Variants in CLSTN2 observed in about 807,000 individuals in gnomAD.
The protein encoded by CLSTN2 is calsyntenin-2.
In CLSTN2, 48 loss-of-function variants were observed where a neutral mutation model predicts 101.2. The ratio of observed to expected loss-of-function variants is 0.47; its 90% CI spans 0.38 to 0.60. The LOEUF (loss-of-function observed/expected upper bound fraction) is 0.60. Ranked by LOEUF, CLSTN2 falls within the 20% of genes least tolerant of loss-of-function variation. The pLI, the probability that CLSTN2 is intolerant of heterozygous loss-of-function variation, is 0.00. For missense variants in CLSTN2, 1,160 were observed against 1,238.2 expected (o/e 0.94, Z 0.95); for synonymous variants, 481 against 463.6 (o/e 1.04, Z -0.48).
intron 9 of CLSTN2, among the ~76,000 whole-genome samples, chr3:140,534,511 C>CCCAACTCTCAGTTCCTAAAATAATT (rs1935322648): frequency 6.6e-6 from 1 of 152,124 alleles, no homozygotes; most frequent in Non-Finnish European, 1.5e-5. Context: ...GACAACAAGC[C>CCCAACTCTCAGTTCCTAAAATAATT]CCAACTCTCA....
At chr3:140,027,923 G>T (rs1424117575) in intron 1 of CLSTN2, among the ~76,000 whole-genome samples, 1 of 152,178 alleles carries the variant, frequency 6.6e-6, no homozygotes, top group Non-Finnish European at 1.5e-5. Flanking sequence ...GACTCGCTTG[G>T]TAACATTGGG....
chr3:140,113,175 G>A (rs1222806658), intron 1 of CLSTN2, among the ~76,000 whole-genome samples: 1 of 152,186 alleles, frequency 6.6e-6, no homozygotes, highest in Admixed American at 6.5e-5. Context: ...ACAAATTGCA[G>A]TTTCTTTCTC....
At chr3:139,999,597 G>C (rs191760674) in intron 1 of CLSTN2, among the ~76,000 whole-genome samples, 2 of 152,220 alleles carry the variant, frequency 1.3e-5, no homozygotes, top group Non-Finnish European at 2.9e-5. Context: ...GGGATCTCAG[G>C]TTTTCCTGAT....
chr3:140,074,647 C>T (rs774222344), intron 1 of CLSTN2, among the ~76,000 whole-genome samples: 1 of 152,182 alleles, frequency 6.6e-6, no homozygotes, highest in Non-Finnish European at 1.5e-5. Context: ...TCATTACTCT[C>T]GTTTTACAGA....
chr3:140,489,079 G>T (rs528646361), intron 8 of CLSTN2, among the ~76,000 whole-genome samples: 1 of 152,282 alleles, frequency 6.6e-6, no homozygotes, highest in South Asian at 2.1e-4. Context: ...AGTGTCTAGG[G>T]ATACAGATTT....
intron 2 of CLSTN2, among the ~76,000 whole-genome samples, chr3:140,258,557 G>A (rs1386499198): frequency 6.6e-6 from 1 of 152,202 alleles, no homozygotes; most frequent in African/African-American, 2.4e-5. Context: ...TAGGAAGTGT[G>A]TCATTTCCCA....
At chr3:140,553,278 A>G (rs1443091953) in intron 10 of CLSTN2, among the ~76,000 whole-genome samples, 3 of 152,278 alleles carry the variant, frequency 2.0e-5, no homozygotes, top group African/African-American at 4.8e-5. Flanking sequence ...AGTAAGAATG[A>G]TCATCCAAGC....
At chr3:140,137,680 T>A (rs1391210090) in intron 1 of CLSTN2, among the ~76,000 whole-genome samples, 2 of 152,186 alleles carry the variant, frequency 1.3e-5, no homozygotes, top group African/African-American at 4.8e-5. Context: ...TTCTTATGAC[T>A]ATGCTAATAT....
chr3:140,270,746 G>A (rs547353756), intron 2 of CLSTN2, among the ~76,000 whole-genome samples: 11 of 152,140 alleles, frequency 7.2e-5, no homozygotes, highest in Non-Finnish European at 1.3e-4. Flanking sequence ...CATTTCTGGC[G>A]AATTTCCTCA....
At chr3:140,293,523 G>A (rs973046280) in intron 2 of CLSTN2, among the ~76,000 whole-genome samples, 1 of 152,162 alleles carries the variant, frequency 6.6e-6, no homozygotes, top group Non-Finnish European at 1.5e-5. Context: ...GAGCTGAGAG[G>A]AATGTCCCAT....
intron 4 of CLSTN2, among the ~76,000 whole-genome samples, chr3:140,416,319 C>T (rs2088431073): frequency 6.6e-6 from 1 of 151,994 alleles, no homozygotes; most frequent in African/African-American, 2.4e-5. Flanking sequence ...AATAGTAATG[C>T]ATTATATACT....
chr3:140,171,622 T>C (rs1303701699), intron 1 of CLSTN2, among the ~76,000 whole-genome samples: 1 of 133,504 alleles, frequency 7.5e-6, no homozygotes, highest in Non-Finnish European at 1.5e-5. Context: ...ATATATTATA[T>C]AATATGTATT....
chr3:139,954,574 T>C (rs1935354695), intron 1 of CLSTN2, among the ~76,000 whole-genome samples: 1 of 152,098 alleles, frequency 6.6e-6, no homozygotes, highest in Non-Finnish European at 1.5e-5. Flanking sequence ...TTGAATTAAG[T>C]TGAGTGCCTG....
At chr3:140,455,707 C>T (rs1204118994) in intron 6 of CLSTN2, among the ~76,000 whole-genome samples, 2 of 152,172 alleles carry the variant, frequency 1.3e-5, no homozygotes, top group Non-Finnish European at 2.9e-5. Context: ...ATCATCACTG[C>T]AAGTGATGCA....
chr3:140,422,260 T>A (rs1012411322), intron 5 of CLSTN2, among the ~76,000 whole-genome samples: 11 of 152,100 alleles, frequency 7.2e-5, no homozygotes, highest in African/African-American at 2.2e-4. Flanking sequence ...AGAGTTGGTG[T>A]TAATCACTCA....
At chr3:140,069,174 A>G (rs996277286) in intron 1 of CLSTN2, among the ~76,000 whole-genome samples, 3 of 152,200 alleles carry the variant, frequency 2.0e-5, no homozygotes, top group Non-Finnish European at 4.4e-5. Flanking sequence ...TCCTATCCTC[A>G]TTCTCAGTAC....
intron 1 of CLSTN2, among the ~76,000 whole-genome samples, chr3:139,982,916 A>G (rs944663476): frequency 2.0e-5 from 3 of 151,422 alleles, no homozygotes; most frequent in Non-Finnish European, 4.4e-5. Flanking sequence ...AGGGTATTAC[A>G]TAGACTATAC....
At chr3:140,510,386 C>A (rs892271743) in intron 8 of CLSTN2, among the ~76,000 whole-genome samples, 2 of 152,174 alleles carry the variant, frequency 1.3e-5, no homozygotes, top group African/African-American at 4.8e-5. Flanking sequence ...GCAAAAGTCG[C>A]AGCACGGTGC....
At chr3:140,428,705 A>G (rs2088598062) in intron 5 of CLSTN2, among the ~76,000 whole-genome samples, 1 of 152,168 alleles carries the variant, frequency 6.6e-6, no homozygotes, top group Admixed American at 6.5e-5. Flanking sequence ...TTACTTTCCC[A>G]ATAAGATATC....
Sources: gnomAD v4.1 joint callset for allele counts (sites outside exome capture counted in the v4.1 genomes callset) on GRCh38, gnomAD v4.1.1 for gene constraint, MANE v1.5 for transcripts, NCBI Gene and HGNC (gene_info 2026-07-23, HGNC 2026-07-21) for gene names.